Variants in LMO3 observed in about 807,000 individuals in gnomAD.
LMO3 encodes the protein LIM domain only protein 3.
In LMO3, 2 loss-of-function variants were observed where a neutral mutation model predicts 15.8. The observed-to-expected ratio is 0.13, with a 90% confidence interval of 0.05 to 0.40. LMO3 has a LOEUF of 0.40. LMO3 is among the 10% of genes least tolerant of loss of function. The probability of loss-of-function intolerance (pLI) is 0.99; values close to 1 mark genes in which losing one functional copy is unlikely to be tolerated. For synonymous variants in LMO3, 62 were observed against 63.8 expected (o/e 0.97, Z 0.13); for missense variants, 86 against 182.2 (o/e 0.47, Z 3.04).
rs753405652 is a variant in LMO3 at position 16,604,069 on chromosome 12, G to T, written c.-9+1997C>A. On this transcript the variant is annotated intron_variant, in intron 1 of 3. Transcript: ENST00000537304. This position sits in a 1 kb window ranked among gnomAD's most constrained non-coding sequence, Gnocchi z 5.3. ...TTCTGCAGCTGGGAGCATTGACACAGATTAAAAGAATTTGGCCAACATGGC... is the reference window on the plus strand; with the variant it reads ...TTCTGCAGCTGGGAGCATTGACACATATTAAAAGAATTTGGCCAACATGGC... Among the ~76,000 whole-genome samples the T allele has an allele frequency of 6.4e-4, 98 of 152,176 alleles. No homozygotes were observed. The highest frequency in any genetic ancestry group is 1.2e-3 in the Admixed American group (18 of 15,272).
At chr12:16,552,265 A>G (rs889252162) in intron 3 of LMO3, among the ~76,000 whole-genome samples, 1 of 152,038 alleles carries the variant, frequency 6.6e-6, no homozygotes, top group Non-Finnish European at 1.5e-5. Flanking sequence ...TAACCTTCAA[A>G]TAGTGGTGTC....
chr12:16,605,729 T>C lies in LMO3; in HGVS notation c.-9+337A>G, dbSNP rs1465743800. On this transcript the variant is annotated intron_variant, in intron 1 of 3. Transcript: ENST00000537304. ...AGTCAGGGGTGTGGAAATACTGCAG[T>C]TCATGGTGAACTTTGACTATTATCC... 5.2e-6 allele frequency: 8 copies of C among 1,527,538 alleles called. No individual in the cohort carries two copies. The Admixed American group carries it at 1.6e-4, about 30-fold the overall frequency. The allele number at this position is 1,527,538 out of a possible 1,614,324, so 94.6% of individuals were successfully genotyped here. A position where few individuals can be genotyped will look rare whatever the true frequency, so the allele number is the denominator to read the frequency against.
intron 1 of LMO3, among the ~76,000 whole-genome samples, chr12:16,602,637 C>T (rs544640433): frequency 1.3e-4 from 20 of 152,188 alleles, no homozygotes; most frequent in African/African-American, 4.3e-4. Context: ...GAGCTAAGGG[C>T]CTAGTGTAGA....
At position 16,551,244 on chromosome 12, in the gene LMO3, C is replaced by A; in HGVS notation, c.416G>T (p.Gly139Val). The stretch of plus-strand genomic sequence containing the variant: ...AGATCAGCGAACCTGGGGTGCATAA[C>A]CTTCTTTCATTAAACCTTCCTCGTA... ...TDYEEGLMKE[G>V]YAPQVR The change falls in exon 4 of 4, where the codon GGT (glycine) becomes GTT (valine). Residue 139 changes from glycine to valine, a missense_variant. Gly to Val is a moderately radical substitution (Grantham distance 109, BLOSUM62 -3). Coordinates refer to ENST00000537304, the MANE Select transcript of LMO3 (RefSeq NM_018640.5). 2 of 1,611,182 alleles carry A rather than the reference C, an allele frequency of 1.2e-6. No homozygotes were observed. Among genetic ancestry groups the A allele is most frequent in the South Asian group, 2.2e-5 (2 of 90,988 alleles).
At chr12:16,573,091 T>TC (rs1162829940) in intron 2 of LMO3, among the ~76,000 whole-genome samples, 1 of 152,146 alleles carries the variant, frequency 6.6e-6, no homozygotes, top group African/African-American at 2.4e-5. Context: ...CCTTTTTTTT[T>TC]TCCTATGAAA....
rs1248763013 is a variant in LMO3, at chr12:16,589,366, A to C, written c.206+11289T>G. Among the ~76,000 whole-genome samples the C allele has an allele frequency of 6.6e-6, 1 of 152,128 alleles. No individual in the cohort carries two copies. The highest frequency in any genetic ancestry group is 1.5e-5 in the Non-Finnish European group (1 of 68,006). On this transcript the variant is annotated intron_variant, in intron 2 of 3. Coordinates refer to ENST00000537304, the MANE Select transcript of LMO3 (RefSeq NM_018640.5). This position sits in a 1 kb window ranked among gnomAD's most constrained non-coding sequence, Gnocchi z 4.2. ...ATGAGACATTTAAAATATACTGTAC[A>C]TATTACTATGAGTGCAGTATAAGCT...
upstream of LMO3, chr12:16,608,001 A>G (rs998584271): frequency 2.0e-5 from 3 of 152,204 alleles, no homozygotes; most frequent in African/African-American, 7.2e-5. The surrounding 1 kb of genome is among the most constrained non-coding windows in gnomAD (Gnocchi z 4.1). Flanking sequence ...TGTTCTGTAC[A>G]TAGGCAGATT....
At chr12:16,577,704 T>C (rs917382574) in intron 2 of LMO3, among the ~76,000 whole-genome samples, 1 of 152,066 alleles carries the variant, frequency 6.6e-6, no homozygotes, top group African/African-American at 2.4e-5. Context: ...AGAGGAGAAT[T>C]TTTTTCCTTA....
upstream of LMO3, chr12:16,606,841 ACTC>A (rs1255563449): frequency 6.6e-6 from 1 of 151,918 alleles, no homozygotes; most frequent in East Asian, 1.9e-4. Flanking sequence ...CAAAAGAAGA[ACTC>A]CTGCGAGAGA....
intron 2 of LMO3, among the ~76,000 whole-genome samples, chr12:16,561,485 A>G (rs1020814559): frequency 6.6e-6 from 1 of 152,152 alleles, no homozygotes; most frequent in African/African-American, 2.4e-5. Flanking sequence ...GGAAAATATA[A>G]TGGCTCTCAT....
At position 16,586,509 on chromosome 12, in the gene LMO3, C is replaced by T. The variant is rs1487613532; in HGVS notation, c.206+14146G>A. 1.3e-5 allele frequency among the ~76,000 whole-genome samples: 2 copies of T among 152,082 alleles called. No individual in the cohort carries two copies. Among genetic ancestry groups the T allele is most frequent in the Non-Finnish European group, 2.9e-5 (2 of 68,008 alleles). Reference sequence around the variant, plus strand: ...CGCTAAGCATTATCTTCTACGTCCACAGAAAAAAATCTGTTGTATAATATT... The same window carrying T: ...CGCTAAGCATTATCTTCTACGTCCATAGAAAAAAATCTGTTGTATAATATT... On this transcript the variant is annotated intron_variant, in intron 2 of 3. Coordinates refer to ENST00000537304, the MANE Select transcript of LMO3 (RefSeq NM_018640.5). The surrounding 1 kb of genome is among the most constrained non-coding windows in gnomAD (Gnocchi z 4.3).
intron 2 of LMO3, chr12:16,594,464 A>G (rs1362045431): frequency 2.3e-6 from 1 of 426,702 alleles, no homozygotes; most frequent in Admixed American, 3.7e-5. Context: ...TGTTTTCCAG[A>G]TCTTGTCCAG....
chr12:16,566,926 G>GC (rs1162820790), intron 2 of LMO3, among the ~76,000 whole-genome samples: 2 of 152,120 alleles, frequency 1.3e-5, no homozygotes, highest in Non-Finnish European at 2.9e-5. Context: ...ACTACCAAAA[G>GC]CCCATGCTAC....
intron 2 of LMO3, chr12:16,594,028 A>T: frequency 1.1e-6 from 1 of 926,010 alleles, no homozygotes; most frequent in Non-Finnish European, 1.5e-6. Context: ...AAGTTGTCCT[A>T]CATGTTAGAC....
chr12:16,548,410 T>C lies in LMO3; in HGVS notation c.*2812A>G, dbSNP rs1054064238. On this transcript the variant is annotated 3_prime_UTR_variant, in exon 4 of 4. Transcript: ENST00000537304. This position sits in a 1 kb window ranked among gnomAD's most constrained non-coding sequence, Gnocchi z 4.2. ...CTTTTATTAAAAACATAAATCCAAA[T>C]GTAAAAAAGTGAATGAAAGAATCCA... The C allele has an allele frequency of 6.6e-6, 1 of 152,026 alleles. No homozygotes were observed. Among genetic ancestry groups the C allele is most frequent in the Non-Finnish European group, 1.5e-5 (1 of 67,994 alleles). The allele number at this position is 152,026 out of a possible 1,614,324, so 9.4% of individuals were successfully genotyped here.
At chr12:16,602,238 A>T (rs567641792) in intron 1 of LMO3, 17 of 152,244 alleles carry the variant, frequency 1.1e-4, no homozygotes, top group African/African-American at 3.1e-4. Flanking sequence ...ACTTTTGTAC[A>T]TTTTCCTTCT....
At chr12:16,557,390 G>A (rs924468865) in intron 3 of LMO3, among the ~76,000 whole-genome samples, 7 of 139,982 alleles carry the variant, frequency 5.0e-5, no homozygotes, top group Non-Finnish European at 9.2e-5. Flanking sequence ...TTTTTTAAAC[G>A]TAATTCCTAG....
chr12:16,605,470 C>A, intron 1 of LMO3: 1 of 577,504 alleles, frequency 1.7e-6, no homozygotes, highest in Non-Finnish European at 2.2e-6. Flanking sequence ...CAAACACAGC[C>A]ACTTTTCCAC....
chr12:16,560,793 C>T lies in LMO3; in HGVS notation c.207-255G>A, dbSNP rs750087541. On this transcript the variant is annotated intron_variant, in intron 2 of 3. Coordinates refer to ENST00000537304, the MANE Select transcript of LMO3 (RefSeq NM_018640.5). This position sits in a 1 kb window ranked among gnomAD's most constrained non-coding sequence, Gnocchi z 5.0. ...ATACATTAGGAAGCTTACGTAACTG[C>T]ACATAAACAGAAGTCAATGGGGGTG... 8.0e-6 allele frequency: 4 copies of T among 500,366 alleles called. No homozygotes were observed. In the Admixed American group the frequency reaches 8.2e-5, roughly 10 times the overall value. 31.0% of individuals were successfully genotyped at this position (500,366 alleles called of 1,614,324 possible). A position where few individuals can be genotyped will look rare whatever the true frequency, so the allele number is the denominator to read the frequency against.
Sources: allele counts gnomAD v4.1 joint callset (sites outside exome capture counted in the v4.1 genomes callset), GRCh38; gene constraint gnomAD v4.1.1; non-coding constraint Gnocchi (gnomAD v3.1); transcripts MANE v1.5; gene names NCBI Gene and HGNC (gene_info 2026-07-23, HGNC 2026-07-21).